SH3KBP1: variants seen among roughly 807,000 people sequenced by gnomAD.
SH3KBP1 encodes SH3 domain containing kinase binding protein 1, also known as SH3 domain-containing kinase-binding protein 1.
In SH3KBP1, 8 loss-of-function variants were observed where a neutral mutation model predicts 50.1. The observed-to-expected ratio is 0.16, with a 90% CI of 0.09 to 0.29. The LOEUF (loss-of-function observed/expected upper bound fraction) is 0.29. SH3KBP1 is among the 10% of genes least tolerant of loss of function. SH3KBP1 has a pLI of 1.00. For synonymous variants in SH3KBP1, 227 were observed against 218.6 expected (o/e 1.04, Z -0.34); for missense variants, 377 against 535.2 (o/e 0.70, Z 2.92).
In SH3KBP1 at chrX:19,731,750, TC is replaced by T. The variant is rs1320780491; in HGVS notation, c.286+14567del. On this transcript the variant is annotated intron_variant, in intron 3 of 17. Transcript: ENST00000397821. ...GGGTATATGAGTACAAGCATATACT[TC>T]ATTCAACAATTAAAGTGAGCTCCAA... 4.5e-5 allele frequency among the ~76,000 whole-genome samples: 5 copies of T among 112,174 alleles called. 1 individual carries two copies. Among genetic ancestry groups the T allele is most frequent in the African/African-American group, 1.6e-4 (5 of 30,845 alleles).
intron 2 of SH3KBP1, among the ~76,000 whole-genome samples, chrX:19,812,518 C>T (rs528114444): frequency 3.6e-5 from 4 of 110,720 alleles, no homozygotes; most frequent in African/African-American, 1.3e-4. Flanking sequence ...TAAAGATGTA[C>T]TGCCCATATG....
intron 4 of SH3KBP1, among the ~76,000 whole-genome samples, chrX:19,702,422 T>C (rs1174808498): frequency 9.0e-6 from 1 of 111,445 alleles, no homozygotes; most frequent in African/African-American, 3.3e-5. Flanking sequence ...GTGGAAGTTA[T>C]CATCTTTGCA....
chrX:19,612,545 C>T (rs1441551127), intron 8 of SH3KBP1, among the ~76,000 whole-genome samples: 1 of 111,890 alleles, frequency 8.9e-6, no homozygotes, highest in Non-Finnish European at 1.9e-5. Context: ...GAATTACAGG[C>T]GTGAGCCACA....
intron 3 of SH3KBP1, among the ~76,000 whole-genome samples, chrX:19,728,389 T>C (rs756049368): frequency 8.9e-6 from 1 of 112,216 alleles, no homozygotes; most frequent in Non-Finnish European, 1.9e-5. Flanking sequence ...GCAAAGTGAA[T>C]ACACATCTCA....
At chrX:19,593,665 T>G (rs970585883) in intron 10 of SH3KBP1, among the ~76,000 whole-genome samples, 2 of 110,610 alleles carry the variant, frequency 1.8e-5, no homozygotes, top group Non-Finnish European at 3.8e-5. Flanking sequence ...AATAATGAAG[T>G]CGGTATCATT....
chrX:19,878,406 T>A (rs2069316382), intron 1 of SH3KBP1, among the ~76,000 whole-genome samples: 1 of 104,458 alleles, frequency 9.6e-6, no homozygotes, highest in Non-Finnish European at 2.0e-5. Context: ...CAGGTTCAAG[T>A]GATTCTCCTG....
intron 4 of SH3KBP1, among the ~76,000 whole-genome samples, chrX:19,706,362 T>G (rs1361399984): frequency 9.0e-6 from 1 of 110,880 alleles, no homozygotes; most frequent in Non-Finnish European, 1.9e-5. Context: ...CCATCAGCCC[T>G]GCGTCTTCTA....
At position 19,592,322 on chromosome X, in the gene SH3KBP1, T is replaced by G. The variant is rs772636122; in HGVS notation, c.1058-175A>C. Among the ~76,000 whole-genome samples the G allele has an allele frequency of 9.8e-5, 11 of 111,846 alleles. No individual in the cohort carries two copies. In the South Asian group the frequency reaches 4.1e-3, roughly 42 times the overall value. ...GTTTAGAAACAGAGCAGAAGACATTTCTGGCCTATGTCATTAAGTTCACCT... is the reference window on the plus strand; with the variant it reads ...GTTTAGAAACAGAGCAGAAGACATTGCTGGCCTATGTCATTAAGTTCACCT... On this transcript the variant is annotated intron_variant, in intron 10 of 17. Coordinates refer to ENST00000397821, the MANE Select transcript of SH3KBP1 (RefSeq NM_031892.3).
At chrX:19,588,621 G>A (rs369373145) in intron 12 of SH3KBP1, 22 bp downstream of exon 12, 102 of 1,204,290 alleles carry the variant, frequency 8.5e-5, no homozygotes, top group Non-Finnish European at 1.0e-4. Context: ...CACCCGCCCC[G>A]GAGGTGAGAG....
chrX:19,732,890 A>C (rs1422587553), intron 3 of SH3KBP1, among the ~76,000 whole-genome samples: 1 of 111,822 alleles, frequency 8.9e-6, no homozygotes, highest in African/African-American at 3.3e-5. Flanking sequence ...TCCTATTTAC[A>C]AAAGCCAACA....
intron 3 of SH3KBP1, among the ~76,000 whole-genome samples, chrX:19,714,228 G>GAGTTTTAGATC (rs2063848518): frequency 8.9e-6 from 1 of 111,999 alleles, no homozygotes; most frequent in African/African-American, 3.2e-5. Flanking sequence ...GATGGGGATG[G>GAGTTTTAGATC]TTAATGGGTA....
chrX:19,559,496 GT>G (rs1161431388), intron 13 of SH3KBP1, among the ~76,000 whole-genome samples: 1 of 105,604 alleles, frequency 9.5e-6, no homozygotes, highest in Admixed American at 1.0e-4. Flanking sequence ...CCACCTAAAA[GT>G]TTTTTGTATC....
At chrX:19,769,594 TAGA>T (rs1368221490) in intron 2 of SH3KBP1, among the ~76,000 whole-genome samples, 1 of 111,014 alleles carries the variant, frequency 9.0e-6, no homozygotes, top group Non-Finnish European at 1.9e-5. Flanking sequence ...TTTTCTCAAG[TAGA>T]AGATGTTTAA....
chrX:19,551,913 G>A (rs1047037705), intron 13 of SH3KBP1, among the ~76,000 whole-genome samples: 3 of 111,089 alleles, frequency 2.7e-5, no homozygotes, highest in African/African-American at 9.9e-5. Context: ...TTCCCCTGAT[G>A]ATAAATGTAA....
intron 2 of SH3KBP1, among the ~76,000 whole-genome samples, chrX:19,828,031 T>A (rs368280240): frequency 1.8e-5 from 2 of 109,900 alleles, no homozygotes; most frequent in Non-Finnish European, 3.8e-5. Context: ...GCCAGGAGGG[T>A]CACCTGACTC....
intron 2 of SH3KBP1, among the ~76,000 whole-genome samples, chrX:19,759,455 A>G (rs2065313236): frequency 8.9e-6 from 1 of 112,276 alleles, no homozygotes; most frequent in African/African-American, 3.2e-5. Context: ...TTGACTTTTT[A>G]ACGAACAAAA....
intron 7 of SH3KBP1, among the ~76,000 whole-genome samples, chrX:19,644,721 T>C (rs1287636034): frequency 8.9e-6 from 1 of 112,131 alleles, no homozygotes; most frequent in African/African-American, 3.2e-5. Context: ...GGCGATAATA[T>C]TTGGATATAT....
intron 6 of SH3KBP1, among the ~76,000 whole-genome samples, chrX:19,682,891 C>T (rs1361510803): frequency 6.4e-5 from 6 of 93,765 alleles, no homozygotes; most frequent in Non-Finnish European, 8.4e-5. Flanking sequence ...AATGTTATCC[C>T]ACCAAAAAAA....
intron 2 of SH3KBP1, among the ~76,000 whole-genome samples, chrX:19,758,327 C>CAAAAAAAAA (rs60332447): frequency 2.7e-5 from 1 of 37,669 alleles, no homozygotes; most frequent in African/African-American, 5.9e-5. Context: ...GACTTCGTTT[C>CAAAAAAAAA]AAAAAAAAAA....
Sources: gnomAD v4.1 joint callset for allele counts (sites outside exome capture counted in the v4.1 genomes callset) on GRCh38, gnomAD v4.1.1 for gene constraint, MANE v1.5 for transcripts, NCBI Gene and HGNC (gene_info 2026-07-23, HGNC 2026-07-21) for gene names.